Variants in PXDNL observed in about 807,000 individuals in gnomAD.
The protein encoded by PXDNL is peroxidasin like.
In PXDNL, 145 loss-of-function variants were observed where a neutral mutation model predicts 150.8. The observed-to-expected ratio is 0.96, with a 90% CI of 0.84 to 1.10. PXDNL has a LOEUF of 1.10. PXDNL is among the 50% of genes least tolerant of loss of function. The pLI, the probability that PXDNL is intolerant of heterozygous loss-of-function variation, is 0.00. For synonymous variants in PXDNL, 757 were observed against 725.7 expected (o/e 1.04, Z -0.69); for missense variants, 2,087 against 1,873.9 (o/e 1.11, Z -2.10).
chr8:51,381,215 C>T (rs530559457), intron 17 of PXDNL, among the ~76,000 whole-genome samples: 5 of 152,268 alleles, frequency 3.3e-5, no homozygotes, highest in African/African-American at 9.6e-5. Flanking sequence ...ACCCAAATTA[C>T]ATTTATAAAC....
chr8:51,785,656 A>G (rs1401463834), intron 1 of PXDNL, among the ~76,000 whole-genome samples: 1 of 152,212 alleles, frequency 6.6e-6, no homozygotes, highest in Admixed American at 6.5e-5. Context: ...ACCACGAACC[A>G]CAGCCACACA....
At chr8:51,352,084 G>C (rs560512999) in intron 19 of PXDNL, among the ~76,000 whole-genome samples, 16 of 151,978 alleles carry the variant, frequency 1.1e-4, no homozygotes, top group South Asian at 6.2e-4. Context: ...ATTAGTGTGT[G>C]GTCATCTCAA....
At chr8:51,686,475 T>C (rs1408808438) in intron 1 of PXDNL, among the ~76,000 whole-genome samples, 1 of 152,152 alleles carries the variant, frequency 6.6e-6, no homozygotes, top group African/African-American at 2.4e-5. Flanking sequence ...TGTTCCCCAA[T>C]CGGGGGGGCA....
chr8:51,395,303 A>AATTCAGAACTATCACCTGCTC (rs1808047753), intron 17 of PXDNL, among the ~76,000 whole-genome samples: 2 of 152,170 alleles, frequency 1.3e-5, no homozygotes, highest in African/African-American at 4.8e-5. Context: ...GGGCTCAACC[A>AATTCAGAACTATCACCTGCTC]ATTCAGAACT....
At chr8:51,467,513 G>C (rs1162074152) in intron 8 of PXDNL, among the ~76,000 whole-genome samples, 3 of 151,942 alleles carry the variant, frequency 2.0e-5, no homozygotes, top group Non-Finnish European at 4.4e-5. Flanking sequence ...CTACCTATTT[G>C]TTACTATGCT....
At chr8:51,493,887 C>A (rs148202672) in intron 5 of PXDNL, among the ~76,000 whole-genome samples, 1,951 of 152,320 alleles carry the variant, frequency 0.013, 37 homozygotes, top group African/African-American at 0.045. Flanking sequence ...ACTTCCCAAT[C>A]TAGCAAGGCA....
intron 19 of PXDNL, among the ~76,000 whole-genome samples, chr8:51,357,428 G>T (rs954112773): frequency 6.6e-6 from 1 of 152,170 alleles, no homozygotes; most frequent in Non-Finnish European, 1.5e-5. Context: ...ATGCTGGGTG[G>T]CCCAAAGATA....
intron 4 of PXDNL, among the ~76,000 whole-genome samples, chr8:51,530,396 T>C (rs1005614950): frequency 6.6e-6 from 1 of 152,320 alleles, no homozygotes; most frequent in East Asian, 1.9e-4. Context: ...CTCCTCCAGG[T>C]CCCTGGCCTC....
chr8:51,605,473 T>G (rs1038911949), intron 2 of PXDNL, among the ~76,000 whole-genome samples: 1 of 151,862 alleles, frequency 6.6e-6, no homozygotes, highest in African/African-American at 2.4e-5. Flanking sequence ...CATACAGATA[T>G]AGTCATTATT....
At chr8:51,712,612 G>C (rs1157979723) in intron 1 of PXDNL, among the ~76,000 whole-genome samples, 1 of 152,164 alleles carries the variant, frequency 6.6e-6, no homozygotes, top group Non-Finnish European at 1.5e-5. Flanking sequence ...ATGTATCAAA[G>C]TTAATGTAAA....
At chr8:51,793,350 A>G (rs967208454) in intron 1 of PXDNL, among the ~76,000 whole-genome samples, 3 of 152,222 alleles carry the variant, frequency 2.0e-5, no homozygotes, top group Non-Finnish European at 4.4e-5. Context: ...TCAAAGATCA[A>G]AACCAGATAA....
At chr8:51,760,809 C>T (rs1172078210) in intron 1 of PXDNL, among the ~76,000 whole-genome samples, 1 of 144,524 alleles carries the variant, frequency 6.9e-6, no homozygotes, top group Non-Finnish European at 1.5e-5. Context: ...CTGTTCCCAG[C>T]CAGGTTCATG....
rs1808548433 is a variant in PXDNL, at chr8:51,409,228, T to A, written c.2396A>T (p.Tyr799Phe). The change falls in exon 17 of 23, where the codon TAC becomes TTC. Residue 799 changes from tyrosine to phenylalanine, a missense_variant. Tyr to Phe is a conservative substitution (Grantham distance 22). Transcript: ENST00000356297. Reference protein sequence around the residue: ...RAAAVTPDHSYTRMLMHWGWF... With the variant: ...RAAAVTPDHSFTRMLMHWGWF... ...GCCCCAGTGCATGAGCATGCGCGTGTAGCTGTGGTCGGGGGTGACGGCCGC... is the reference window on the plus strand; with the variant it reads ...GCCCCAGTGCATGAGCATGCGCGTGAAGCTGTGGTCGGGGGTGACGGCCGC... 6.4e-6 allele frequency: 10 copies of A among 1,552,456 alleles called. No homozygotes were observed. The South Asian group carries it at 9.4e-5, about 15-fold the overall frequency.
intron 1 of PXDNL, among the ~76,000 whole-genome samples, chr8:51,661,471 C>T (rs997883946): frequency 1.3e-5 from 2 of 152,184 alleles, no homozygotes; most frequent in African/African-American, 2.4e-5. Flanking sequence ...CGCTCCACAA[C>T]GTAGTTGGGC....
intron 9 of PXDNL, among the ~76,000 whole-genome samples, chr8:51,457,159 T>G (rs1809953944): frequency 6.6e-6 from 1 of 152,226 alleles, no homozygotes; most frequent in Non-Finnish European, 1.5e-5. Flanking sequence ...TTGGATTAAT[T>G]CATGATGAAT....
chr8:51,703,657 CTG>C (rs1816303573), intron 1 of PXDNL, among the ~76,000 whole-genome samples: 1 of 152,198 alleles, frequency 6.6e-6, no homozygotes, highest in East Asian at 1.9e-4. Context: ...CTATCAGAAA[CTG>C]TGGCCAGCAA....
At chr8:51,437,256 C>T (rs1269388194) in intron 12 of PXDNL, among the ~76,000 whole-genome samples, 2 of 152,118 alleles carry the variant, frequency 1.3e-5, no homozygotes, top group Admixed American at 6.5e-5. Context: ...TTCTATCAGA[C>T]ATTCAAAGAA....
At chr8:51,344,475 C>A (rs552035547) in intron 20 of PXDNL, among the ~76,000 whole-genome samples, 33 of 152,198 alleles carry the variant, frequency 2.2e-4, no homozygotes, top group African/African-American at 7.9e-4. Flanking sequence ...CAGACTTGGA[C>A]TCCCCTAAAT....
chr8:51,506,622 G>A (rs1001680116), intron 4 of PXDNL, among the ~76,000 whole-genome samples: 1 of 149,136 alleles, frequency 6.7e-6, no homozygotes, highest in African/African-American at 2.5e-5. Context: ...GTATGATTGA[G>A]AGTTATGAAA....
Sources: gnomAD v4.1 joint callset for allele counts (sites outside exome capture counted in the v4.1 genomes callset) on GRCh38, gnomAD v4.1.1 for gene constraint, MANE v1.5 for transcripts, NCBI Gene and HGNC (gene_info 2026-07-23, HGNC 2026-07-21) for gene names.